The following PCDH15 variants were observed in gnomAD, a reference collection of about 807,000 sequenced individuals.
PCDH15 encodes the protein protocadherin related 15.
Under a neutral mutation model 178.5 loss-of-function variants are expected in PCDH15, and 129 were observed. The ratio of observed to expected loss-of-function variants is 0.72; its 90% CI spans 0.63 to 0.84. The LOEUF (loss-of-function observed/expected upper bound fraction) is 0.84. Among genes scored for constraint, PCDH15 ranks in the 40% least tolerant of loss-of-function variants. The pLI is 0.00. For synonymous variants in PCDH15, 800 were observed against 732.0 expected, an observed-to-expected ratio of 1.09 and a Z score of -1.50; for missense variants, 2,230 against 2,099.9, an observed-to-expected ratio of 1.06 and a Z score of -1.21.
chr10:54,186,819 CAT>C (rs1226328540), intron 11 of PCDH15, among the ~76,000 whole-genome samples: 6 of 151,872 alleles, frequency 4.0e-5, no homozygotes, highest in African/African-American at 1.4e-4. Flanking sequence ...AAAAATCTAA[CAT>C]GTTAGTTTTA....
intron 1 of PCDH15, among the ~76,000 whole-genome samples, chr10:55,269,176 T>C (rs1030831342): frequency 2.6e-5 from 4 of 151,868 alleles, no homozygotes; most frequent in Admixed American, 1.3e-4. Context: ...GCCAACACCA[T>C]ATGGAATGGG....
intron 3 of PCDH15, among the ~76,000 whole-genome samples, chr10:54,383,423 CTTA>C (rs1401880045): frequency 1.3e-5 from 2 of 152,008 alleles, no homozygotes; most frequent in South Asian, 4.1e-4. Flanking sequence ...CTTATTAGTA[CTTA>C]TTAGCATTTG....
At chr10:54,806,618 G>A (rs894521400) in intron 3 of PCDH15, among the ~76,000 whole-genome samples, 5 of 151,526 alleles carry the variant, frequency 3.3e-5, no homozygotes, top group African/African-American at 1.2e-4. Flanking sequence ...TGAGTAGCTG[G>A]GATTACAGGC....
intron 2 of PCDH15, among the ~76,000 whole-genome samples, chr10:54,595,679 A>G (rs1304646763): frequency 6.6e-6 from 1 of 152,168 alleles, no homozygotes; most frequent in East Asian, 1.9e-4. Context: ...TGTTGAAACC[A>G]CATCTAAGGA....
At chr10:54,421,870 C>CTATA (rs71185273) in intron 3 of PCDH15, among the ~76,000 whole-genome samples, 23 of 64,610 alleles carry the variant, frequency 3.6e-4, no homozygotes, top group Admixed American at 7.8e-4. Flanking sequence ...TATACACACA[C>CTATA]TATATATATA....
chr10:55,382,354 G>A (rs1325615382), intron 2 of PCDH15, among the ~76,000 whole-genome samples: 1 of 152,092 alleles, frequency 6.6e-6, no homozygotes, highest in Admixed American at 6.6e-5. Flanking sequence ...AAATTAACCT[G>A]ATGAAACTAA....
At chr10:54,771,890 G>A (rs1426301074) in intron 1 of PCDH15, among the ~76,000 whole-genome samples, 5 of 152,110 alleles carry the variant, frequency 3.3e-5, no homozygotes, top group Admixed American at 3.3e-4. Context: ...ATCTGTATAT[G>A]TAAATTCAGG....
intron 1 of PCDH15, among the ~76,000 whole-genome samples, chr10:55,288,700 G>A (rs189510082): frequency 6.8e-4 from 104 of 151,956 alleles, no homozygotes; most frequent in Non-Finnish European, 5.9e-4. Context: ...GTTACAAATT[G>A]CAGGATCTCC....
At chr10:54,172,563 T>C (rs1481163880) in intron 13 of PCDH15, among the ~76,000 whole-genome samples, 1 of 152,086 alleles carries the variant, frequency 6.6e-6, no homozygotes, top group Non-Finnish European at 1.5e-5. Context: ...TTGGAAACAA[T>C]AGGTGAATAA....
At chr10:55,109,734 T>G (rs2132054604) in intron 2 of PCDH15, among the ~76,000 whole-genome samples, 1 of 152,216 alleles carries the variant, frequency 6.6e-6, no homozygotes, top group South Asian at 2.1e-4. Context: ...CTCCTATTTT[T>G]GATTCATTCA....
At chr10:54,152,895 T>A (rs1476497911) in intron 14 of PCDH15, among the ~76,000 whole-genome samples, 1 of 152,138 alleles carries the variant, frequency 6.6e-6, no homozygotes, top group African/African-American at 2.4e-5. Context: ...CATAATAAAT[T>A]TGAAATATGC....
At chr10:55,404,552 T>A (rs1351491395) in intron 2 of PCDH15, among the ~76,000 whole-genome samples, 2 of 151,926 alleles carry the variant, frequency 1.3e-5, no homozygotes, top group African/African-American at 2.4e-5. Flanking sequence ...ATGGCTCTCA[T>A]ATAATATGAA....
In PCDH15 at chr10:55,318,687, T is replaced by C. The variant is rs532363680; in HGVS notation, c.-156+912A>G. On this transcript the variant is annotated intron_variant, in intron 1 of 5. Transcript: ENST00000458638. ...AATCAAAATGTAAAAAATAATATGA[T>C]GAGAGAAAATATTTGAAAGTATAAT... is the stretch of plus-strand genomic sequence containing the variant. Among the ~76,000 whole-genome samples the C allele has an allele frequency of 1.1e-3, 172 of 152,234 alleles. 2 individuals carry two copies. The highest frequency in any genetic ancestry group is 3.9e-3 in the African/African-American group (162 of 41,570).
chr10:54,622,944 T>C (rs1342614837), intron 2 of PCDH15, among the ~76,000 whole-genome samples: 2 of 149,986 alleles, frequency 1.3e-5, no homozygotes, highest in Non-Finnish European at 3.0e-5. Flanking sequence ...CAAGACCTGC[T>C]GCACCTTGCC....
chr10:53,971,372 T>G (rs1377338318), intron 21 of PCDH15, among the ~76,000 whole-genome samples: 1 of 152,176 alleles, frequency 6.6e-6, no homozygotes, highest in East Asian at 1.9e-4. Context: ...CTTTGAAAAC[T>G]GGTACAAGAC....
At chr10:55,164,682 A>C (rs1428644252) in intron 2 of PCDH15, among the ~76,000 whole-genome samples, 1 of 152,102 alleles carries the variant, frequency 6.6e-6, no homozygotes, top group Admixed American at 6.6e-5. Flanking sequence ...CTTTGTACTA[A>C]TGTCAGGACA....
intron 28 of PCDH15, among the ~76,000 whole-genome samples, chr10:53,841,237 T>C (rs906691036): frequency 6.6e-6 from 1 of 152,156 alleles, no homozygotes; most frequent in Admixed American, 6.5e-5. Flanking sequence ...AAACTTTATA[T>C]TATTAACCCA....
At position 54,090,039 on chromosome 10, in the gene PCDH15, T is replaced by C. The variant is rs745647844; in HGVS notation, c.1942A>G (p.Ile648Val). ...LQATDREGDS[I>V]TYAIENGDPQ... ...TCTCCATTCTCAATGGCATATGTTA[T>C]TGAGTCTCCCTCTCGATCAGTTGCC... Residue 648 changes from isoleucine (I) to valine (V), a missense_variant, in exon 16 of 38, where the codon ATA (isoleucine) becomes GTA (valine). Coordinates refer to ENST00000644397, the MANE Select transcript of PCDH15 (RefSeq NM_001384140.1). 1.1e-5 allele frequency: 17 copies of C among 1,612,202 alleles called. No individual in the cohort carries two copies. In the Admixed American group the frequency reaches 1.7e-4, roughly 16 times the overall value.
chr10:53,849,797 C>T (rs1205585414), intron 28 of PCDH15, among the ~76,000 whole-genome samples: 1 of 137,584 alleles, frequency 7.3e-6, no homozygotes, highest in Admixed American at 8.2e-5. Flanking sequence ...GGAGACGGAG[C>T]TTGCAGTGAG....
Sources: allele counts gnomAD v4.1 joint callset (sites outside exome capture counted in the v4.1 genomes callset), GRCh38; gene constraint gnomAD v4.1.1; transcripts MANE v1.5; gene names NCBI Gene and HGNC (gene_info 2026-07-23, HGNC 2026-07-21).